The following RBFOX1 variants were observed in gnomAD, a reference collection of about 807,000 sequenced individuals.
The protein encoded by RBFOX1 is RNA binding fox-1 homolog 1, also known as RNA binding protein fox-1 homolog 1.
RBFOX1 carries 8 observed loss-of-function variants against 57.7 expected under a neutral mutation model. That is an observed-to-expected ratio of 0.14 (90% CI 0.08 to 0.25). The LOEUF (loss-of-function observed/expected upper bound fraction) is 0.25, where lower values mean the gene tolerates loss of function less well. Ranked by LOEUF, RBFOX1 falls within the 10% of genes least tolerant of loss-of-function variation. The pLI is 1.00. For synonymous variants in RBFOX1, 326 were observed against 222.4 expected (o/e 1.47, Z -4.15); for missense variants, 611 against 548.5 (o/e 1.11, Z -1.14).
chr16:6,602,264 G>A (rs894610942), intron 2 of RBFOX1, among the ~76,000 whole-genome samples: 3 of 152,212 alleles, frequency 2.0e-5, no homozygotes, highest in Admixed American at 1.3e-4. Context: ...CTCCCATTCA[G>A]TGGGTTGCCT....
chr16:5,956,529 C>T (rs2059642758), intron 4 of RBFOX1, among the ~76,000 whole-genome samples: 1 of 151,268 alleles, frequency 6.6e-6, no homozygotes, highest in South Asian at 2.1e-4. Context: ...TGGGCTTCCT[C>T]TCTGAGATTC....
At chr16:6,785,055 A>G (rs1425556417) in intron 3 of RBFOX1, among the ~76,000 whole-genome samples, 2 of 152,172 alleles carry the variant, frequency 1.3e-5, no homozygotes, top group East Asian at 3.8e-4. Context: ...TTAACATAAA[A>G]GAGATTACTC....
At chr16:6,720,604 G>C (rs1368660158) in intron 3 of RBFOX1, among the ~76,000 whole-genome samples, 1 of 152,152 alleles carries the variant, frequency 6.6e-6, no homozygotes, top group Non-Finnish European at 1.5e-5. Flanking sequence ...AAGTGAGAGG[G>C]GTGCTGCTGG....
chr16:5,377,560 G>GA (rs1555503598), intron 1 of RBFOX1, among the ~76,000 whole-genome samples: 23 of 142,820 alleles, frequency 1.6e-4, no homozygotes, highest in African/African-American at 6.0e-4. Flanking sequence ...GGAGGGAAAG[G>GA]AAGGAAAGGA....
At chr16:5,300,946 C>G (rs1468943613) in intron 1 of RBFOX1, among the ~76,000 whole-genome samples, 1 of 152,194 alleles carries the variant, frequency 6.6e-6, no homozygotes, top group Non-Finnish European at 1.5e-5. Context: ...CTCTCTCTCG[C>G]TCTTGTCCTG....
At chr16:7,488,532 C>T (rs981625901) in intron 4 of RBFOX1, among the ~76,000 whole-genome samples, 2 of 151,574 alleles carry the variant, frequency 1.3e-5, no homozygotes, top group African/African-American at 4.8e-5. Context: ...TACTATCTAC[C>T]TGTCATTCTG....
intron 2 of RBFOX1, among the ~76,000 whole-genome samples, chr16:5,472,631 C>T (rs647148): frequency 0.035 from 5,287 of 152,190 alleles, 289 homozygotes; most frequent in African/African-American, 0.12. Flanking sequence ...GTGCTGCCCT[C>T]CTGGACTGGG....
chr16:5,748,707 GT>G (rs1346019553), intron 3 of RBFOX1, among the ~76,000 whole-genome samples: 1 of 151,870 alleles, frequency 6.6e-6, no homozygotes, highest in Non-Finnish European at 1.5e-5. Flanking sequence ...TGCCTTTTTT[GT>G]TTTCCATTTG....
intron 4 of RBFOX1, among the ~76,000 whole-genome samples, chr16:7,342,055 C>CTGCTCTCT (rs2096908441): frequency 6.6e-6 from 1 of 152,032 alleles, no homozygotes; most frequent in Admixed American, 6.6e-5. Flanking sequence ...TTCTCAGGAA[C>CTGCTCTCT]TGCTCTCTGA....
At chr16:6,483,144 G>C (rs2095400633) in intron 2 of RBFOX1, 2 of 1,065,756 alleles carry the variant, frequency 1.9e-6, no homozygotes, top group Non-Finnish European at 2.3e-6. Context: ...AGCTGCAAGA[G>C]TTTGCAAAAA....
intron 6 of RBFOX1, among the ~76,000 whole-genome samples, chr16:7,582,570 C>A (rs1389294236): frequency 1.3e-5 from 2 of 152,184 alleles, no homozygotes; most frequent in Non-Finnish European, 2.9e-5. Context: ...CATTGTGAAG[C>A]ATCTGTAAAC....
intron 7 of RBFOX1, among the ~76,000 whole-genome samples, chr16:7,589,115 C>T (rs1041960897): frequency 2.6e-5 from 4 of 152,164 alleles, no homozygotes; most frequent in African/African-American, 9.7e-5. Flanking sequence ...AAAATGTGCC[C>T]AGCCTAATTC....
At chr16:7,357,771 T>C (rs1204913241) in intron 4 of RBFOX1, among the ~76,000 whole-genome samples, 1 of 152,204 alleles carries the variant, frequency 6.6e-6, no homozygotes, top group African/African-American at 2.4e-5. Flanking sequence ...TTTAACTCTT[T>C]ATTTTAAATA....
intron 4 of RBFOX1, among the ~76,000 whole-genome samples, chr16:7,404,445 G>A (rs1261787790): frequency 2.6e-5 from 4 of 152,196 alleles, no homozygotes; most frequent in Non-Finnish European, 5.9e-5. Flanking sequence ...GCTTCTTAGA[G>A]GTGAATGATG....
At position 7,710,546 on chromosome 16, in the gene RBFOX1, A is replaced by C. The variant is rs2083854735; in HGVS notation, c.1072-77A>C. On this transcript the variant is annotated intron_variant, in intron 15 of 15. Transcript: ENST00000550418. Reference sequence around the variant, plus strand: ...GGTTGGTTTTGAGTGTCTATTTTTCACATTAGTCTTTTTGATGATCCACAT... The same window carrying C: ...GGTTGGTTTTGAGTGTCTATTTTTCCCATTAGTCTTTTTGATGATCCACAT... 2.0e-5 allele frequency: 31 copies of C among 1,586,822 alleles called. No individual in the cohort carries two copies. The South Asian group carries it at 3.5e-4, about 18-fold the overall frequency.
At chr16:6,757,290 A>G (rs2075953162) in intron 3 of RBFOX1, among the ~76,000 whole-genome samples, 1 of 152,122 alleles carries the variant, frequency 6.6e-6, no homozygotes, top group Non-Finnish European at 1.5e-5. Context: ...GCAAAATCCC[A>G]CTGTGGATAT....
intron 11 of RBFOX1, among the ~76,000 whole-genome samples, chr16:7,652,112 G>A (rs2065190036): frequency 6.6e-6 from 1 of 152,074 alleles, no homozygotes; most frequent in Admixed American, 6.6e-5. Flanking sequence ...GACACAGTTT[G>A]GGAAACATTG....
chr16:7,124,679 A>T (rs1220073063), intron 4 of RBFOX1, among the ~76,000 whole-genome samples: 1 of 151,650 alleles, frequency 6.6e-6, no homozygotes, highest in African/African-American at 2.4e-5. Flanking sequence ...TGAACCTCAC[A>T]ATACTCGAAA....
At chr16:6,484,943 G>C (rs1256616619) in intron 2 of RBFOX1, among the ~76,000 whole-genome samples, 1 of 152,180 alleles carries the variant, frequency 6.6e-6, no homozygotes, top group Non-Finnish European at 1.5e-5. Flanking sequence ...TAGTAGGGTA[G>C]CTGGGTAGTA....
Sources: gnomAD v4.1 joint callset for allele counts (sites outside exome capture counted in the v4.1 genomes callset) on GRCh38, gnomAD v4.1.1 for gene constraint, MANE v1.5 for transcripts, NCBI Gene and HGNC (gene_info 2026-07-23, HGNC 2026-07-21) for gene names.